Variants in SCN2A observed in about 807,000 individuals in gnomAD.
SCN2A encodes the protein sodium voltage-gated channel alpha subunit 2.
A neutral mutation model predicts 188.7 loss-of-function variants in SCN2A; 20 were observed. The ratio of observed to expected loss-of-function variants is 0.11; its 90% CI spans 0.07 to 0.15. The LOEUF (loss-of-function observed/expected upper bound fraction) is 0.15, where lower values mean the gene tolerates loss of function less well. Among genes scored for constraint, SCN2A ranks in the 10% least tolerant of loss-of-function variants. The pLI is 1.00. For synonymous variants in SCN2A, 804 were observed against 833.1 expected (o/e 0.97, Z 0.60); for missense variants, 1,278 against 2,445.0 (o/e 0.52, Z 10.07).
chr2:165,353,242 A>T (rs963927587), intron 16 of SCN2A, among the ~76,000 whole-genome samples: 1 of 152,130 alleles, frequency 6.6e-6, no homozygotes, highest in Admixed American at 6.6e-5. Flanking sequence ...ATTTTATAGT[A>T]TTTCTCACTA....
At chr2:165,322,253 C>G (rs1698112841) in intron 11 of SCN2A, among the ~76,000 whole-genome samples, 1 of 152,178 alleles carries the variant, frequency 6.6e-6, no homozygotes, top group African/African-American at 2.4e-5. Context: ...AGCAGGATTT[C>G]ATGACCATCT....
At chr2:165,368,545 G>A (rs1700853883) in intron 19 of SCN2A, among the ~76,000 whole-genome samples, 1 of 152,110 alleles carries the variant, frequency 6.6e-6, no homozygotes, top group Non-Finnish European at 1.5e-5. Context: ...GGACTCCTCT[G>A]TCTTCTTCAC....
At chr2:165,294,010 T>TA (rs67417831) in intron 1 of SCN2A, 4,699 of 150,790 alleles carry the variant, frequency 0.031, 109 homozygotes, top group East Asian at 0.043. Flanking sequence ...GAAGGAGAAT[T>TA]AAAAAAAAAA....
rs547565179 is a variant in SCN2A, at chr2:165,252,139, A to G, written c.-52+12499A>G. ...TAGACAAGATCTAAGTACGAAAAAA[A>G]AATAGAAGCAAGTCAGGAAAACTTA... On this transcript the variant is annotated intron_variant, in intron 1 of 26. Coordinates refer to ENST00000375437, the MANE Select transcript of SCN2A (RefSeq NM_001040142.2). Among the ~76,000 whole-genome samples the G allele has an allele frequency of 3.3e-5, 5 of 152,194 alleles. No individual in the cohort carries two copies. The South Asian group carries it at 1.0e-3, about 32-fold the overall frequency.
chr2:165,336,592 G>T (rs1646919724), intron 14 of SCN2A, among the ~76,000 whole-genome samples: 1 of 151,948 alleles, frequency 6.6e-6, no homozygotes, highest in Admixed American at 6.6e-5. Flanking sequence ...GGGTAAATGG[G>T]AGCAACAACT....
intron 1 of SCN2A, among the ~76,000 whole-genome samples, chr2:165,288,552 C>A (rs1029924959): frequency 3.2e-4 from 47 of 146,940 alleles, no homozygotes; most frequent in Admixed American, 2.8e-3. Flanking sequence ...AAAAAAAAAA[C>A]AGCTTTTCTC....
rs1170542047 is a variant in SCN2A, at chr2:165,291,498, T to TC, written c.-51-4274dup. Among the ~76,000 whole-genome samples the TC allele has an allele frequency of 2.5e-4, 32 of 129,780 alleles. 3 individuals are homozygous for TC. In the East Asian group the frequency reaches 3.1e-3, roughly 13 times the overall value. 85.1% of individuals were successfully genotyped at this position (129,780 alleles called of 152,430 possible). ...TCTTTCTTTCTTTCTTTCTTTTCTT[T>TC]CTTTCTTTCTTTCTTCCTCTCCTTT... is the stretch of plus-strand genomic sequence containing the variant. On this transcript the variant is annotated intron_variant, in intron 1 of 26. Coordinates refer to ENST00000375437, the MANE Select transcript of SCN2A (RefSeq NM_001040142.2).
At chr2:165,313,292 G>A (rs988135410) in intron 8 of SCN2A, among the ~76,000 whole-genome samples, 5 of 152,056 alleles carry the variant, frequency 3.3e-5, no homozygotes, top group African/African-American at 9.7e-5. Flanking sequence ...CATCCTCAGT[G>A]AAAATCAACT....
chr2:165,315,230 A>G (rs1036959356), intron 10 of SCN2A, among the ~76,000 whole-genome samples: 3 of 152,190 alleles, frequency 2.0e-5, no homozygotes, highest in East Asian at 3.9e-4. Context: ...ATAATTAGAT[A>G]TCATAGTGTG....
At chr2:165,377,268 A>T (rs1701364313) in intron 22 of SCN2A, among the ~76,000 whole-genome samples, 1 of 151,874 alleles carries the variant, frequency 6.6e-6, no homozygotes. Context: ...TACACATGAA[A>T]TTTTTTCATC....
intron 12 of SCN2A, among the ~76,000 whole-genome samples, chr2:165,324,781 G>A (rs377537670): frequency 6.6e-6 from 1 of 152,176 alleles, no homozygotes; most frequent in Non-Finnish European, 1.5e-5. Context: ...CCCCAGGTAT[G>A]CTGGTTACTG....
intron 2 of SCN2A, 121 bp from the exon 3 acceptor site, chr2:165,296,896 A>G: frequency 1.7e-6 from 1 of 595,542 alleles, no homozygotes; most frequent in South Asian, 2.5e-5. Context: ...TATGATGGTA[A>G]TTATTATGTT....
intron 1 of SCN2A, among the ~76,000 whole-genome samples, chr2:165,292,479 C>G (rs1408654449): frequency 6.6e-6 from 1 of 152,124 alleles, no homozygotes; most frequent in Non-Finnish European, 1.5e-5. Context: ...TTGCTTCCCC[C>G]ACCCTATACC....
chr2:165,388,521 G>A (rs1459701120), intron 26 of SCN2A, 108 bp from the exon 27 acceptor site: 1 of 1,442,568 alleles, frequency 6.9e-7, no homozygotes, highest in African/African-American at 1.4e-5. Flanking sequence ...ATATATACAT[G>A]TACCTAACTG....
chr2:165,306,789 A>G (rs1015562421), intron 3 of SCN2A, among the ~76,000 whole-genome samples: 1 of 152,116 alleles, frequency 6.6e-6, no homozygotes, highest in Non-Finnish European at 1.5e-5. Flanking sequence ...CATTATGTGT[A>G]AGTAATGTGA....
Position 165,389,470 on chromosome 2 carries a change from C to A in SCN2A, c.5664C>A (p.Pro1888=). Residue 1888 remains proline (P), a synonymous_variant, in exon 27 of 27, where the codon CCC becomes CCA. Transcript: ENST00000375437. This position sits in a 1 kb window ranked among gnomAD's most constrained non-coding sequence, Gnocchi z 4.2. ...QMEERFMASN[P]SKVSYEPITT... is the part of the protein sequence containing the mutation. ...AAGAGCGATTCATGGCATCAAACCC[C>A]TCCAAAGTCTCTTATGAGCCCATTA... 5.0e-6 allele frequency: 8 copies of A among 1,613,918 alleles called. No homozygotes were observed. Among genetic ancestry groups the A allele is most frequent in the Non-Finnish European group, 6.8e-6 (8 of 1,179,964 alleles).
intron 1 of SCN2A, chr2:165,268,225 A>T (rs1346297884): frequency 1.3e-5 from 2 of 151,974 alleles, no homozygotes; most frequent in Non-Finnish European, 2.9e-5. Flanking sequence ...TCAGGAAAGG[A>T]CACAAGAAAA....
At chr2:165,329,187 A>G (rs1574605996) in intron 13 of SCN2A, among the ~76,000 whole-genome samples, 1 of 152,046 alleles carries the variant, frequency 6.6e-6, no homozygotes, top group Non-Finnish European at 1.5e-5. Context: ...TCCGTTGTCC[A>G]GGGTAATGGA....
At chr2:165,282,681 G>A (rs1195987830) in intron 1 of SCN2A, among the ~76,000 whole-genome samples, 2 of 152,140 alleles carry the variant, frequency 1.3e-5, no homozygotes, top group Non-Finnish European at 2.9e-5. Flanking sequence ...CTCTGGAGTA[G>A]CTAGGATTAT....
Sources: gnomAD v4.1 joint callset for allele counts (sites outside exome capture counted in the v4.1 genomes callset) on GRCh38, gnomAD v4.1.1 for gene constraint, Gnocchi (gnomAD v3.1) non-coding constraint, MANE v1.5 for transcripts, NCBI Gene and HGNC (gene_info 2026-07-23, HGNC 2026-07-21) for gene names.